Variants in PIP5K1C observed in about 807,000 individuals in gnomAD.
The protein encoded by PIP5K1C is phosphatidylinositol-4-phosphate 5-kinase type 1 gamma.
A neutral mutation model predicts 80.1 loss-of-function variants in PIP5K1C; 45 were observed. The observed-to-expected ratio is 0.56, with a 90% confidence interval of 0.44 to 0.72. The LOEUF (loss-of-function observed/expected upper bound fraction) is 0.72. PIP5K1C is among the 30% of genes least tolerant of loss of function. The pLI, the probability that PIP5K1C is intolerant of heterozygous loss-of-function variation, is 0.00. For missense variants in PIP5K1C, 753 were observed against 954.6 expected, an observed-to-expected ratio of 0.79 and a Z score of 2.78; for synonymous variants, 498 against 420.1, an observed-to-expected ratio of 1.19 and a Z score of -2.27.
intron 1 of PIP5K1C, among the ~76,000 whole-genome samples, chr19:3,695,120 C>T (rs770094113): frequency 2.0e-5 from 3 of 152,248 alleles, no homozygotes; most frequent in Middle Eastern, 3.2e-3. Flanking sequence ...TGCAGCCTGA[C>T]GCCCAGCAAC....
At chr19:3,644,059 C>A in intron 12 of PIP5K1C, 28 bp downstream of exon 12, 1 of 1,608,806 alleles carries the variant, frequency 6.2e-7, no homozygotes, top group Non-Finnish European at 8.5e-7. Context: ...GTAGCGCCCA[C>A]AAGCGCACTC....
chr19:3,691,397 G>A (rs569783944), intron 1 of PIP5K1C, among the ~76,000 whole-genome samples: 16 of 152,264 alleles, frequency 1.1e-4, no homozygotes, highest in South Asian at 2.1e-4. Flanking sequence ...CAAACGGCCC[G>A]CCTGCGAGCA....
chr19:3,694,600 C>G (rs888815643), intron 1 of PIP5K1C, among the ~76,000 whole-genome samples: 1 of 152,262 alleles, frequency 6.6e-6, no homozygotes, highest in Non-Finnish European at 1.5e-5. Flanking sequence ...CTCGCCGCCC[C>G]ACTCAGATGC....
intron 16 of PIP5K1C, among the ~76,000 whole-genome samples, chr19:3,633,975 CT>C (rs2033567933): frequency 6.6e-6 from 1 of 152,174 alleles, no homozygotes; most frequent in Non-Finnish European, 1.5e-5. Flanking sequence ...GCCGGACCTA[CT>C]TCCCAACCCA....
intron 6 of PIP5K1C, among the ~76,000 whole-genome samples, chr19:3,655,452 T>C (rs536673710): frequency 7.2e-5 from 11 of 152,254 alleles, no homozygotes; most frequent in African/African-American, 2.6e-4. Flanking sequence ...AGTGGAGAAA[T>C]AGAAAATAGT....
At chr19:3,661,225 C>G (rs1411684281) in intron 4 of PIP5K1C, 142 bp from the exon 5 acceptor site, 5 of 610,806 alleles carry the variant, frequency 8.2e-6, no homozygotes, top group Non-Finnish European at 1.5e-5. Context: ...CCCAATCCCA[C>G]AAGCAACAGG....
chr19:3,674,416 G>C (rs1236438479), intron 1 of PIP5K1C: 2 of 151,926 alleles, frequency 1.3e-5, no homozygotes, highest in Non-Finnish European at 2.9e-5. Flanking sequence ...AGTAGCTGCA[G>C]ATCTTGGCTC....
chr19:3,647,507 G>T, intron 9 of PIP5K1C, 121 bp from the exon 10 acceptor site: 1 of 860,772 alleles, frequency 1.2e-6, no homozygotes, highest in Non-Finnish European at 1.9e-6. Flanking sequence ...AGTCGTGGCT[G>T]TCAAAACTCA....
chr19:3,651,311 C>T (rs1268003105), intron 8 of PIP5K1C, among the ~76,000 whole-genome samples: 2 of 152,208 alleles, frequency 1.3e-5, no homozygotes, highest in African/African-American at 4.8e-5. Context: ...CCACCTTGGT[C>T]TCCCAAGGTG....
At position 3,653,612 on chromosome 19, in the gene PIP5K1C, C is replaced by T. The variant is rs563779429; in HGVS notation, c.622-23G>A. 3.1e-5 allele frequency: 50 copies of T among 1,594,902 alleles called. No individual in the cohort carries two copies. The Admixed American group carries it at 7.4e-4, about 24-fold the overall frequency. ...GTTCTGCCGGGGGAAGAGGGCAAGT[C>T]GTGGAGGGCGGCTGGGCCACAGACT... On this transcript the variant is annotated intron_variant, in intron 6 of 17. Coordinates refer to ENST00000335312, the MANE Select transcript of PIP5K1C (RefSeq NM_012398.3).
chr19:3,680,662 T>TA (rs1213625228), intron 1 of PIP5K1C, among the ~76,000 whole-genome samples: 6 of 152,208 alleles, frequency 3.9e-5, no homozygotes, highest in Admixed American at 6.5e-5. Context: ...CAGAATCACA[T>TA]AAAAGACACC....
chr19:3,695,513 C>A (rs564542344), intron 1 of PIP5K1C, among the ~76,000 whole-genome samples: 3 of 152,326 alleles, frequency 2.0e-5, no homozygotes, highest in Admixed American at 2.0e-4. Flanking sequence ...TGCACATCCC[C>A]GGCTGGCATG....
chr19:3,663,505 C>A (rs1235995299), intron 3 of PIP5K1C, among the ~76,000 whole-genome samples: 3 of 152,196 alleles, frequency 2.0e-5, no homozygotes, highest in African/African-American at 7.2e-5. Context: ...ACGCTCCATG[C>A]CACTGGGCAC....
At chr19:3,683,852 C>T (rs1445134747) in intron 1 of PIP5K1C, among the ~76,000 whole-genome samples, 1 of 151,616 alleles carries the variant, frequency 6.6e-6, no homozygotes, top group Non-Finnish European at 1.5e-5. Context: ...CACAGCCAGC[C>T]CCCGCTTCCC....
intron 8 of PIP5K1C, among the ~76,000 whole-genome samples, chr19:3,650,806 G>A (rs982574449): frequency 6.6e-6 from 1 of 152,132 alleles, no homozygotes; most frequent in Admixed American, 6.5e-5. Context: ...GCCCAGGCTG[G>A]AGTGCAATAG....
At chr19:3,656,065 C>T (rs765232048) in intron 6 of PIP5K1C, among the ~76,000 whole-genome samples, 13 of 152,220 alleles carry the variant, frequency 8.5e-5, no homozygotes, top group South Asian at 6.2e-4. Flanking sequence ...TGGCAGCTGA[C>T]AGACGCTGCC....
chr19:3,672,169 GTC>G (rs1016758050), intron 1 of PIP5K1C, among the ~76,000 whole-genome samples: 63 of 152,348 alleles, frequency 4.1e-4, no homozygotes, highest in South Asian at 4.1e-4. Context: ...CTGAGCCTCA[GTC>G]TCTCTCTATA....
At chr19:3,685,684 CAT>C (rs2035738957) in intron 1 of PIP5K1C, among the ~76,000 whole-genome samples, 1 of 150,936 alleles carries the variant, frequency 6.6e-6, no homozygotes, top group Non-Finnish European at 1.5e-5. Context: ...GAGCTGAGAT[CAT>C]GCCACTGCAC....
At chr19:3,654,480 T>C (rs1472133314) in intron 6 of PIP5K1C, among the ~76,000 whole-genome samples, 2 of 152,044 alleles carry the variant, frequency 1.3e-5, no homozygotes, top group Non-Finnish European at 2.9e-5. Context: ...CCACCACCTA[T>C]TTTTGTAGGG....
Sources: allele counts gnomAD v4.1 joint callset (sites outside exome capture counted in the v4.1 genomes callset), GRCh38; gene constraint gnomAD v4.1.1; transcripts MANE v1.5; gene names NCBI Gene and HGNC (gene_info 2026-07-23, HGNC 2026-07-21).